Variants in RNF220 observed in about 807,000 individuals in gnomAD.
The protein encoded by RNF220 is ring finger protein 220.
Under a neutral mutation model 67.1 loss-of-function variants are expected in RNF220, and 7 were observed. The observed-to-expected ratio is 0.10, with a 90% CI of 0.06 to 0.20. The LOEUF (loss-of-function observed/expected upper bound fraction) is 0.20, where lower values mean the gene tolerates loss of function less well. Among genes scored for constraint, RNF220 ranks in the 10% least tolerant of loss-of-function variants. RNF220 has a pLI of 1.00. For missense variants in RNF220, 565 were observed against 740.3 expected (o/e 0.76, Z 2.75); for synonymous variants, 270 against 283.2 (o/e 0.95, Z 0.47).
chr1:44,521,250 G>T (rs1349698449), intron 2 of RNF220, among the ~76,000 whole-genome samples: 1 of 152,158 alleles, frequency 6.6e-6, no homozygotes, highest in Non-Finnish European at 1.5e-5. Context: ...AGCTGCCCCA[G>T]TACAGGATAG....
At chr1:44,570,739 C>T (rs1664381656) in intron 2 of RNF220, among the ~76,000 whole-genome samples, 1 of 152,170 alleles carries the variant, frequency 6.6e-6, no homozygotes, top group African/African-American at 2.4e-5. Context: ...TCCGGCCCTC[C>T]CACGATCTAT....
intron 2 of RNF220, among the ~76,000 whole-genome samples, chr1:44,525,712 T>G (rs1660317307): frequency 1.3e-5 from 2 of 152,186 alleles, no homozygotes; most frequent in African/African-American, 4.8e-5. Context: ...ACCCCTATTC[T>G]GCGTTCCTCC....
rs185801417 is a variant in RNF220 at position 44,454,916 on chromosome 1, C to A, written c.625+42194C>A. Among the ~76,000 whole-genome samples, 8 of 152,024 alleles carry A rather than the reference C, an allele frequency of 5.3e-5. No individual in the cohort carries two copies. The East Asian group carries it at 1.5e-3, about 29-fold the overall frequency. Reference sequence around the variant, plus strand: ...GTAGTATTCCATTATGTGGATATACCGCCATTTGTTTATGCGTTCACCAGT... The same window carrying A: ...GTAGTATTCCATTATGTGGATATACAGCCATTTGTTTATGCGTTCACCAGT... On this transcript the variant is annotated intron_variant, in intron 2 of 14. Coordinates refer to ENST00000361799, the MANE Select transcript of RNF220 (RefSeq NM_018150.4).
intron 2 of RNF220, among the ~76,000 whole-genome samples, chr1:44,536,198 C>A (rs1388846668): frequency 1.3e-5 from 2 of 152,174 alleles, no homozygotes; most frequent in Non-Finnish European, 2.9e-5. Flanking sequence ...CCTCCCAGAA[C>A]ACTGAGTGGG....
rs1336391960 is a variant in RNF220, at chr1:44,584,033, C to G, written c.626-30132C>G. Among the ~76,000 whole-genome samples the G allele has an allele frequency of 4.6e-5, 7 of 152,236 alleles. No individual in the cohort carries two copies. In the South Asian group the frequency reaches 1.4e-3, roughly 32 times the overall value. ...TCTCACATCATTCTCACAGCTACAA[C>G]ATGAGGTACATAGCATCGTGTCTCT... On this transcript the variant is annotated intron_variant, in intron 2 of 14. Transcript: ENST00000361799.
At chr1:44,630,754 G>A (rs1222922178) in intron 5 of RNF220, among the ~76,000 whole-genome samples, 1 of 152,248 alleles carries the variant, frequency 6.6e-6, no homozygotes, top group African/African-American at 2.4e-5. Context: ...CTGGCCTGGA[G>A]TGCAGAGCAT....
chr1:44,558,718 T>G (rs951733068), intron 2 of RNF220, among the ~76,000 whole-genome samples: 1 of 152,208 alleles, frequency 6.6e-6, no homozygotes, highest in Non-Finnish European at 1.5e-5. Context: ...GACCTAGGTG[T>G]GTCTTACTCC....
chr1:44,524,834 A>G (rs535242535), intron 2 of RNF220, among the ~76,000 whole-genome samples: 3 of 152,348 alleles, frequency 2.0e-5, no homozygotes, highest in Admixed American at 2.0e-4. Flanking sequence ...GCTGTAATGT[A>G]TAGCTTGTCA....
intron 2 of RNF220, among the ~76,000 whole-genome samples, chr1:44,556,179 C>G (rs1434883911): frequency 6.7e-6 from 1 of 149,936 alleles, no homozygotes; most frequent in Non-Finnish European, 1.5e-5. Context: ...GGATTACAGG[C>G]GTGCATCACC....
intron 6 of RNF220, among the ~76,000 whole-genome samples, chr1:44,633,400 C>T (rs1054965595): frequency 6.6e-6 from 1 of 152,252 alleles, no homozygotes; most frequent in African/African-American, 2.4e-5. Context: ...CATGCTACCT[C>T]CTTGGCAAAT....
At chr1:44,465,491 A>T (rs1654195424) in intron 2 of RNF220, among the ~76,000 whole-genome samples, 1 of 151,786 alleles carries the variant, frequency 6.6e-6, no homozygotes, top group Non-Finnish European at 1.5e-5. Context: ...GCTGGCCTCA[A>T]ACTCCCGGGT....
At chr1:44,561,384 C>T (rs971309043) in intron 2 of RNF220, among the ~76,000 whole-genome samples, 3 of 152,236 alleles carry the variant, frequency 2.0e-5, no homozygotes, top group Non-Finnish European at 2.9e-5. Context: ...GTGGCCGGCG[C>T]CTGTAATCCC....
chr1:44,431,704 C>T (rs1041013702), intron 2 of RNF220, among the ~76,000 whole-genome samples: 14 of 151,616 alleles, frequency 9.2e-5, no homozygotes, highest in African/African-American at 3.2e-4. Context: ...CCCTGGCCAT[C>T]TTCTGAGTGG....
At chr1:44,504,724 A>G (rs1658256498) in intron 2 of RNF220, among the ~76,000 whole-genome samples, 1 of 152,176 alleles carries the variant, frequency 6.6e-6, no homozygotes, top group Non-Finnish European at 1.5e-5. Flanking sequence ...CATTGGCATC[A>G]GTATCTTTTT....
At chr1:44,580,303 C>T (rs149983608) in intron 2 of RNF220, among the ~76,000 whole-genome samples, 1 of 152,088 alleles carries the variant, frequency 6.6e-6, no homozygotes, top group Non-Finnish European at 1.5e-5. Context: ...GAAAATGGGC[C>T]TAATGTTCTC....
At chr1:44,527,290 CA>C (rs1185014236) in intron 2 of RNF220, among the ~76,000 whole-genome samples, 2 of 152,056 alleles carry the variant, frequency 1.3e-5, no homozygotes, top group African/African-American at 4.8e-5. Flanking sequence ...TCTAACCACA[CA>C]AGCAGAAACC....
intron 2 of RNF220, among the ~76,000 whole-genome samples, chr1:44,455,088 T>A (rs1653047854): frequency 6.6e-6 from 1 of 152,232 alleles, no homozygotes; most frequent in Non-Finnish European, 1.5e-5. Flanking sequence ...AATGGTAAGT[T>A]TAAGTTTGAC....
intron 2 of RNF220, among the ~76,000 whole-genome samples, chr1:44,458,850 A>G (rs1468310677): frequency 6.6e-6 from 1 of 152,272 alleles, no homozygotes; most frequent in Non-Finnish European, 1.5e-5. Context: ...AGCCGTGAGC[A>G]TTCAGAGCAC....
intron 2 of RNF220, among the ~76,000 whole-genome samples, chr1:44,583,577 T>C (rs1458264704): frequency 3.3e-5 from 5 of 152,238 alleles, no homozygotes; most frequent in Admixed American, 2.0e-4. Flanking sequence ...GAAAATGTGG[T>C]CATTACTGGA....
Sources: allele counts gnomAD v4.1 joint callset (sites outside exome capture counted in the v4.1 genomes callset), GRCh38; gene constraint gnomAD v4.1.1; transcripts MANE v1.5; gene names NCBI Gene and HGNC (gene_info 2026-07-23, HGNC 2026-07-21).